Variants in GPR149 observed in about 807,000 individuals in gnomAD.
GPR149 encodes G protein-coupled receptor 149, also known as probable G protein-coupled receptor 149.
A neutral mutation model predicts 50.2 loss-of-function variants in GPR149; 50 were observed. The ratio of observed to expected loss-of-function variants is 1.00; its 90% CI spans 0.79 to 1.26. GPR149 has a LOEUF of 1.26. Ranked by LOEUF, GPR149 falls within the 50% of genes most tolerant of loss-of-function variation. The pLI is 0.00. For missense variants in GPR149, 983 were observed against 895.4 expected, an observed-to-expected ratio of 1.10 and a Z score of -1.25; for synonymous variants, 405 against 358.2, an observed-to-expected ratio of 1.13 and a Z score of -1.48.
intron 3 of GPR149, among the ~76,000 whole-genome samples, chr3:154,364,134 C>T (rs1714477775): frequency 6.6e-6 from 1 of 152,196 alleles, no homozygotes; most frequent in Admixed American, 6.5e-5. Context: ...AGTGAAGCCA[C>T]TGGGTGCCAC....
chr3:154,340,626 T>C (rs1713768656), intron 3 of GPR149, among the ~76,000 whole-genome samples: 1 of 152,234 alleles, frequency 6.6e-6, no homozygotes, highest in Non-Finnish European at 1.5e-5. Flanking sequence ...TACCAAGTTC[T>C]ATAAGGTCCA....
At position 154,429,725 on chromosome 3, in the gene GPR149, A is replaced by G; in HGVS notation, c.-110T>C. On this transcript the variant is annotated 5_prime_UTR_variant, in exon 1 of 4. Transcript: ENST00000389740. ...CATTCCTCCTACCAAGTTCCCCTCTAGATGTTCTCCTTGTCAGTCCTGCAG... is the reference window on the plus strand; with the variant it reads ...CATTCCTCCTACCAAGTTCCCCTCTGGATGTTCTCCTTGTCAGTCCTGCAG... The G allele has an allele frequency of 1.1e-6, 1 of 938,046 alleles. No homozygotes were observed. Among genetic ancestry groups the G allele is most frequent in the Non-Finnish European group, 1.6e-6 (1 of 612,422 alleles). The allele number at this position is 938,046 out of a possible 1,614,324, so 58.1% of individuals were successfully genotyped here. A position where few individuals can be genotyped will look rare whatever the true frequency, so the allele number is the denominator to read the frequency against.
Position 154,363,705 on chromosome 3 carries a change from C to T in GPR149, c.1624-25434G>A, listed in dbSNP as rs531554757. On this transcript the variant is annotated intron_variant, in intron 3 of 3. Coordinates refer to ENST00000389740, the MANE Select transcript of GPR149 (RefSeq NM_001038705.3). The stretch of plus-strand genomic sequence containing the variant: ...CATGACAGGAGTGAGAACTTCCATC[C>T]CTGTCTTGCCCAGTCTCTCTTGGTT... Among the ~76,000 whole-genome samples, 4 of 152,240 alleles carry T rather than the reference C, an allele frequency of 2.6e-5. No individual in the cohort carries two copies. The East Asian group carries it at 7.7e-4, about 29-fold the overall frequency.
intron 3 of GPR149, among the ~76,000 whole-genome samples, chr3:154,398,815 C>T (rs576616060): frequency 2.0e-5 from 3 of 152,168 alleles, no homozygotes; most frequent in East Asian, 1.9e-4. Context: ...TGATTATTAC[C>T]CCTTGATGAC....
Position 154,367,344 on chromosome 3 carries a change from C to CG in GPR149, c.1624-29074_1624-29073insC, listed in dbSNP as rs1559976168. On this transcript the variant is annotated intron_variant, in intron 3 of 3. Transcript: ENST00000389740. The stretch of plus-strand genomic sequence containing the variant: ...TCTCTCCCTCTCTCCCTTCCCCCCC[C>CG]CGAAACTAAAAGGAATGTTAAAAGC... 1.0e-3 allele frequency among the ~76,000 whole-genome samples: 14 copies of CG among 13,822 alleles called. No homozygotes were observed. In the East Asian group the frequency reaches 0.12, roughly 123 times the overall value. 9.1% of individuals were successfully genotyped at this position (13,822 alleles called of 152,430 possible).
chr3:154,389,971 C>T (rs2108411802), intron 3 of GPR149, among the ~76,000 whole-genome samples: 1 of 152,270 alleles, frequency 6.6e-6, no homozygotes, highest in Non-Finnish European at 1.5e-5. Flanking sequence ...CTGAGGGCTG[C>T]CAGAGGCATT....
At chr3:154,422,907 T>G (rs1365486259) in intron 2 of GPR149, among the ~76,000 whole-genome samples, 1 of 151,808 alleles carries the variant, frequency 6.6e-6, no homozygotes, top group African/African-American at 2.4e-5. Flanking sequence ...GGGTTTCTAT[T>G]GTTCTCCAAA....
intron 2 of GPR149, among the ~76,000 whole-genome samples, chr3:154,421,937 G>A (rs1712158247): frequency 6.6e-6 from 1 of 151,536 alleles, no homozygotes; most frequent in Non-Finnish European, 1.5e-5. Flanking sequence ...ATTCAGCTAA[G>A]AATACCACCA....
chr3:154,375,381 G>A (rs547827770), intron 3 of GPR149, among the ~76,000 whole-genome samples: 9 of 151,998 alleles, frequency 5.9e-5, no homozygotes, highest in Admixed American at 3.3e-4. Flanking sequence ...CCTATCACAG[G>A]GCATTTTTGT....
chr3:154,361,501 G>C (rs1241828739), intron 3 of GPR149, among the ~76,000 whole-genome samples: 1 of 151,986 alleles, frequency 6.6e-6, no homozygotes, highest in Non-Finnish European at 1.5e-5. Context: ...TCTCAGTTTT[G>C]GTTTTAATTC....
In GPR149 at chr3:154,421,134, C is replaced by T; in HGVS notation, c.1528G>A (p.Gly510Arg). ...INYEETTFSE[G>R]PERRLSHEES... ...TCATGAGACAGTCTTCTTTCTGGCC[C>T]TTCAGAAAAGGTAGTTTCTTCATAG... Residue 510 changes from glycine (G) to arginine (R), a missense_variant, in exon 3 of 4, where the codon GGG (glycine) becomes AGG (arginine). Gly to Arg is a moderately radical substitution (Grantham distance 125). Transcript: ENST00000389740. 1 of 1,613,306 alleles carries T rather than the reference C, an allele frequency of 6.2e-7. No homozygotes were observed. The highest frequency in any genetic ancestry group is 8.5e-7 in the Non-Finnish European group (1 of 1,179,494).
intron 3 of GPR149, among the ~76,000 whole-genome samples, chr3:154,392,840 G>A (rs1715201040): frequency 6.6e-6 from 1 of 151,886 alleles, no homozygotes; most frequent in Admixed American, 6.6e-5. Context: ...GGAAGAGATA[G>A]ATAAATTCTC....
chr3:154,380,881 G>C (rs578183370), intron 3 of GPR149, among the ~76,000 whole-genome samples: 1 of 152,246 alleles, frequency 6.6e-6, no homozygotes, highest in South Asian at 2.1e-4. Flanking sequence ...TTAGCAGAAA[G>C]AGCTGAAAGA....
At chr3:154,402,950 G>A (rs1327445417) in intron 3 of GPR149, among the ~76,000 whole-genome samples, 2 of 151,730 alleles carry the variant, frequency 1.3e-5, no homozygotes, top group African/African-American at 4.8e-5. Context: ...ATTTCCTAAT[G>A]GAATCTTTGT....
chr3:154,337,768 G>A lies in GPR149; in HGVS notation c.2127C>T (p.Gly709=), dbSNP rs770373269. ...NSKRQHQERD[G]YQEEIQLLNK... ...TTAACAACTGGATTTCCTCCTGGTA[G>A]CCATCCCTCTCTTGATGCTGCCTTT... The change falls in exon 4 of 4, where the codon GGC becomes GGT. Residue 709 remains glycine, a synonymous_variant. Transcript: ENST00000389740. The A allele has an allele frequency of 4.0e-5, 65 of 1,613,120 alleles. No homozygotes were observed. Among genetic ancestry groups the A allele is most frequent in the Non-Finnish European group, 4.7e-5 (56 of 1,179,696 alleles).
At chr3:154,402,415 CAAATAAATAAAT>C (rs34746134) in intron 3 of GPR149, among the ~76,000 whole-genome samples, 4 of 140,834 alleles carry the variant, frequency 2.8e-5, no homozygotes, top group African/African-American at 5.2e-5. Flanking sequence ...GACCCTGTCT[CAAATAAATAAAT>C]AAATAAATAA....
intron 3 of GPR149, among the ~76,000 whole-genome samples, chr3:154,357,920 G>C (rs917729146): frequency 1.6e-4 from 25 of 152,294 alleles, no homozygotes; most frequent in Middle Eastern, 6.8e-3. Flanking sequence ...ACTGGATTAA[G>C]AAAATGTGGC....
rs1258365217 is a variant in GPR149, at chr3:154,429,253, C to T, written c.363G>A (p.Leu121=). 4 of 1,614,166 alleles carry T rather than the reference C, an allele frequency of 2.5e-6. No individual in the cohort carries two copies. The highest frequency in any genetic ancestry group is 1.6e-4 in the Middle Eastern group (1 of 6,062). Residue 121 remains leucine, a synonymous_variant, in exon 1 of 4, where the codon TTG becomes TTA. Coordinates refer to ENST00000389740, the MANE Select transcript of GPR149 (RefSeq NM_001038705.3). Reference sequence around the variant, plus strand: ...TGTAAGAGACTAGGAGAGTCGCCTTCAAGTTGCTAGAGAGGCCCTGGCATA... The same window carrying T: ...TGTAAGAGACTAGGAGAGTCGCCTTTAAGTTGCTAGAGAGGCCCTGGCATA... ...MYLCQGLSSN[L]KATLLVSYNF...
chr3:154,338,463 G>A (rs917427943), intron 3 of GPR149, among the ~76,000 whole-genome samples, 192 bp from the exon 4 acceptor site: 2 of 152,128 alleles, frequency 1.3e-5, no homozygotes, highest in African/African-American at 4.8e-5. Flanking sequence ...GGCCAAATCA[G>A]ACATTTAATG....
Sources: allele counts gnomAD v4.1 joint callset (sites outside exome capture counted in the v4.1 genomes callset), GRCh38; gene constraint gnomAD v4.1.1; transcripts MANE v1.5; gene names NCBI Gene and HGNC (gene_info 2026-07-23, HGNC 2026-07-21).